EPB41L1: variants seen among roughly 807,000 people sequenced by gnomAD.
The protein encoded by EPB41L1 is band 4.1-like protein 1.
EPB41L1 carries 29 observed loss-of-function variants against 97.8 expected under a neutral mutation model. That is an observed-to-expected ratio of 0.30 (90% CI 0.22 to 0.40). The LOEUF is 0.40. Among genes scored for constraint, EPB41L1 ranks in the 10% least tolerant of loss-of-function variants. The probability of loss-of-function intolerance (pLI) is 1.00; values close to 1 mark genes in which losing one functional copy is unlikely to be tolerated. For missense variants in EPB41L1, 812 were observed against 1,162.3 expected, an observed-to-expected ratio of 0.70 and a Z score of 4.38; for synonymous variants, 383 against 459.2, an observed-to-expected ratio of 0.83 and a Z score of 2.12.
At chr20:36,180,021 G>C (rs931806832) in intron 5 of EPB41L1, among the ~76,000 whole-genome samples, 6 of 152,216 alleles carry the variant, frequency 3.9e-5, no homozygotes, top group Non-Finnish European at 8.8e-5. Context: ...GGGAAAGACA[G>C]GTGGCTGGAC....
At chr20:36,156,885 G>A (rs557970609) in intron 1 of EPB41L1, among the ~76,000 whole-genome samples, 3 of 152,266 alleles carry the variant, frequency 2.0e-5, no homozygotes, top group Admixed American at 6.5e-5. Context: ...AGCACCTGCC[G>A]GGACTTCCCT....
rs781542847 is a variant in EPB41L1 at position 36,096,041 on chromosome 20, AAAG to A, written c.-65+4432_-65+4434del. Among the ~76,000 whole-genome samples the A allele has an allele frequency of 1.1e-4, 17 of 152,216 alleles. No individual in the cohort carries two copies. The East Asian group carries it at 3.1e-3, about 28-fold the overall frequency. On this transcript the variant is annotated intron_variant, in intron 1 of 19. Transcript: ENST00000202028. ...ACTCCATCTCAGGGAAAAAAAAAAA[AAAG>A]AAATGCAATTTCTTGGTTCTCACGC...
At chr20:36,106,971 T>G (rs1162810630) in intron 1 of EPB41L1, among the ~76,000 whole-genome samples, 1 of 152,076 alleles carries the variant, frequency 6.6e-6, no homozygotes, top group Non-Finnish European at 1.5e-5. Flanking sequence ...CTTGGCTAAT[T>G]TTTTGTATTT....
At chr20:36,148,974 G>A (rs574912201) in intron 2 of EPB41L1, among the ~76,000 whole-genome samples, 1 of 152,306 alleles carries the variant, frequency 6.6e-6, no homozygotes, top group South Asian at 2.1e-4. Flanking sequence ...TTTCTGGAAG[G>A]GAGGCAACCT....
At chr20:36,174,650 G>A (rs1219443289) in intron 2 of EPB41L1, among the ~76,000 whole-genome samples, 1 of 147,590 alleles carries the variant, frequency 6.8e-6, no homozygotes, top group African/African-American at 2.5e-5. Context: ...TCCTGGGCTC[G>A]AGTGATCCTC....
chr20:36,125,239 CAGTT>C (rs1390657063), intron 2 of EPB41L1, among the ~76,000 whole-genome samples: 4 of 152,108 alleles, frequency 2.6e-5, no homozygotes, highest in Non-Finnish European at 5.9e-5. Context: ...GGAGGGGACA[CAGTT>C]AGGAGCATCC....
chr20:36,143,380 A>C (rs1410908524), intron 2 of EPB41L1, among the ~76,000 whole-genome samples: 2 of 151,918 alleles, frequency 1.3e-5, no homozygotes, highest in African/African-American at 2.4e-5. Flanking sequence ...GAGAGAGTGG[A>C]ATGGAGAGGG....
At chr20:36,177,716 A>G (rs574234708) in intron 3 of EPB41L1, among the ~76,000 whole-genome samples, 3 of 152,356 alleles carry the variant, frequency 2.0e-5, no homozygotes, top group Admixed American at 1.3e-4. Context: ...CTCAAAGTCC[A>G]GAAACCACCA....
intron 9 of EPB41L1, among the ~76,000 whole-genome samples, 194 bp downstream of exon 9, chr20:36,188,693 C>T (rs2061806190): frequency 6.7e-6 from 1 of 149,398 alleles, no homozygotes; most frequent in South Asian, 2.1e-4. Flanking sequence ...AGTATAACCA[C>T]ATATGGCCAG....
At chr20:36,111,753 C>A (rs2058409667) in intron 1 of EPB41L1, among the ~76,000 whole-genome samples, 1 of 147,160 alleles carries the variant, frequency 6.8e-6, no homozygotes, top group African/African-American at 2.6e-5. Flanking sequence ...CACCATTGCA[C>A]TCCAGCCTGG....
intron 13 of EPB41L1, chr20:36,197,522 T>G (rs2062265547): frequency 1.9e-6 from 1 of 514,126 alleles, no homozygotes; most frequent in Non-Finnish European, 2.5e-6. Flanking sequence ...AGACCGGGCT[T>G]ATAGCACCAC....
At chr20:36,115,869 G>A (rs947024988) in intron 2 of EPB41L1, among the ~76,000 whole-genome samples, 2 of 152,170 alleles carry the variant, frequency 1.3e-5, no homozygotes, top group African/African-American at 4.8e-5. Flanking sequence ...TCCAGCCTGG[G>A]TGACAGAATA....
chr20:36,095,469 T>C (rs1327311743), intron 1 of EPB41L1, among the ~76,000 whole-genome samples: 1 of 152,222 alleles, frequency 6.6e-6, no homozygotes, highest in African/African-American at 2.4e-5. Context: ...CCAACACTTT[T>C]TATTAAGCTT....
intron 17 of EPB41L1, among the ~76,000 whole-genome samples, chr20:36,215,676 G>A (rs968443054): frequency 6.6e-6 from 1 of 152,138 alleles, no homozygotes; most frequent in African/African-American, 2.4e-5. Context: ...TTCATATGGT[G>A]AGCAGGCACT....
chr20:36,102,180 G>C lies in EPB41L1; in HGVS notation c.-64-10246G>C, dbSNP rs1250098960. 3.3e-5 allele frequency among the ~76,000 whole-genome samples: 5 copies of C among 152,206 alleles called. No homozygotes were observed. In the East Asian group the frequency reaches 9.7e-4, roughly 29 times the overall value. The stretch of plus-strand genomic sequence containing the variant: ...AGCCTGCTGTAACAGTCTCCCCATC[G>C]AGATGATTGGGACACAGATGGTTCT... On this transcript the variant is annotated intron_variant, in intron 1 of 19. Coordinates refer to the EPB41L1 transcript ENST00000202028.
intron 16 of EPB41L1, among the ~76,000 whole-genome samples, chr20:36,213,502 T>G (rs914620674): frequency 4.6e-5 from 7 of 152,316 alleles, no homozygotes; most frequent in Non-Finnish European, 8.8e-5. Flanking sequence ...GGTAGGAGTT[T>G]ATGAGGCCGT....
chr20:36,172,626 A>T (rs1188945300), intron 1 of EPB41L1, among the ~76,000 whole-genome samples: 2 of 152,004 alleles, frequency 1.3e-5, no homozygotes, highest in African/African-American at 4.8e-5. Flanking sequence ...TTGGAGAAGG[A>T]GTCTCACACT....
At chr20:36,140,675 C>CT (rs1249980124) in intron 2 of EPB41L1, among the ~76,000 whole-genome samples, 3 of 152,154 alleles carry the variant, frequency 2.0e-5, no homozygotes, top group African/African-American at 7.2e-5. Context: ...GATTTGGCTT[C>CT]TTTTTTTGTC....
chr20:36,107,576 T>C (rs2058237104), intron 1 of EPB41L1, among the ~76,000 whole-genome samples: 1 of 148,918 alleles, frequency 6.7e-6, no homozygotes, highest in Non-Finnish European at 1.5e-5. Flanking sequence ...ATGCCTGTAA[T>C]CCCAGCCCTT....
Sources: gnomAD v4.1 joint callset for allele counts (sites outside exome capture counted in the v4.1 genomes callset) on GRCh38, gnomAD v4.1.1 for gene constraint, MANE v1.5 for transcripts, NCBI Gene and HGNC (gene_info 2026-07-23, HGNC 2026-07-21) for gene names.